The following DNER variants were observed in gnomAD, a reference collection of about 807,000 sequenced individuals.
The protein encoded by DNER is delta and Notch-like epidermal growth factor-related receptor.
A neutral mutation model predicts 78.2 loss-of-function variants in DNER; 33 were observed. That is an observed-to-expected ratio of 0.42 (90% confidence interval 0.32 to 0.56). The LOEUF is 0.56. Ranked by LOEUF, DNER falls within the 20% of genes least tolerant of loss-of-function variation. The probability of loss-of-function intolerance (pLI) is 0.11; values close to 1 mark genes in which losing one functional copy is unlikely to be tolerated. For missense variants in DNER, 918 were observed against 975.3 expected (o/e 0.94, Z 0.78); for synonymous variants, 417 against 384.8 (o/e 1.08, Z -0.98).
At chr2:229,680,355 C>T (rs944584737) in intron 1 of DNER, among the ~76,000 whole-genome samples, 2 of 152,150 alleles carry the variant, frequency 1.3e-5, no homozygotes, top group African/African-American at 4.8e-5. Flanking sequence ...CTTTGGGGCT[C>T]CCATTGGCCA....
In DNER at chr2:229,447,740, C is replaced by A. The variant is rs188846799; in HGVS notation, c.1262-200G>T. ...TTAAAAATATTAAGCCCCACAATTCCATTTTTATTGAAATATAAGGTATAT... is the reference window on the plus strand; with the variant it reads ...TTAAAAATATTAAGCCCCACAATTCAATTTTTATTGAAATATAAGGTATAT... On this transcript the variant is annotated intron_variant, in intron 7 of 12. Coordinates refer to ENST00000341772, the MANE Select transcript of DNER (RefSeq NM_139072.4). 3.0e-3 allele frequency among the ~76,000 whole-genome samples: 457 copies of A among 152,192 alleles called. 1 individual carries two copies. Among genetic ancestry groups the A allele is most frequent in the African/African-American group, 0.011 (446 of 41,520 alleles).
intron 1 of DNER, among the ~76,000 whole-genome samples, chr2:229,642,656 A>G (rs760780993): frequency 3.3e-5 from 5 of 152,206 alleles, no homozygotes; most frequent in Non-Finnish European, 7.3e-5. Flanking sequence ...CCCTTCCTGT[A>G]AGGAGATTGT....
At chr2:229,374,370 G>A (rs1473933160) in intron 11 of DNER, among the ~76,000 whole-genome samples, 4 of 152,292 alleles carry the variant, frequency 2.6e-5, no homozygotes, top group Non-Finnish European at 2.9e-5. Context: ...ACCTGCACAT[G>A]TGCTCCTTGA....
Position 229,585,951 on chromosome 2 carries a change from G to C in DNER, c.754C>G (p.Leu252Val). The change falls in exon 4 of 13, where the codon CTC becomes GTC. Residue 252 changes from leucine to valine, a missense_variant. Coordinates refer to ENST00000341772, the MANE Select transcript of DNER (RefSeq NM_139072.4). ...GGGGTCACACTTCGTCCATCTATGA[G>C]GGAGCACTGTTGGAATCCTGTGGCC... is the stretch of plus-strand genomic sequence containing the variant. The part of the protein sequence containing the change: ...VTATGFQQCS[L>V]IDGRSVTPLQ... The C allele has an allele frequency of 6.2e-7, 1 of 1,614,132 alleles. No individual in the cohort carries two copies. The highest frequency in any genetic ancestry group is 1.1e-5 in the South Asian group (1 of 91,064).
rs1371607345 is a variant in DNER at position 229,714,360 on chromosome 2, G to A, written c.64C>T (p.Leu22=). 7.3e-5 allele frequency: 90 copies of A among 1,232,624 alleles called. 1 individual carries two copies. The East Asian group carries it at 3.0e-3, about 41-fold the overall frequency. The allele number at this position is 1,232,624 out of a possible 1,614,324, so 76.4% of individuals were successfully genotyped here. The change falls in exon 1 of 13, where the codon CTG becomes TTG. Residue 22 remains leucine (L), a synonymous_variant. Coordinates refer to ENST00000341772, the MANE Select transcript of DNER (RefSeq NM_139072.4). ...QLLPALALLL[L]LLGAGPRGSS... ...CCTCGGGGCCCCGCTCCGAGCAGCA[G>A]CAGCAGCAGGGCCAGCGCGGGCAGC...
chr2:229,621,177 T>C (rs1054635683), intron 1 of DNER, among the ~76,000 whole-genome samples: 1 of 152,060 alleles, frequency 6.6e-6, no homozygotes, highest in Non-Finnish European at 1.5e-5. Flanking sequence ...ACAAAAGTGA[T>C]AAATAATAAC....
intron 1 of DNER, among the ~76,000 whole-genome samples, chr2:229,605,687 A>G (rs185894038): frequency 6.6e-6 from 1 of 151,482 alleles, no homozygotes; most frequent in African/African-American, 2.4e-5. Flanking sequence ...TATAGACACC[A>G]TAACAGCCTG....
chr2:229,714,199 C>A lies in DNER; in HGVS notation c.225G>T (p.Glu75Asp), dbSNP rs1699955679. The change falls in exon 1 of 13, where the codon GAG becomes GAT. Residue 75 changes from glutamate (E) to aspartate (D), a missense_variant. By Grantham distance (45) the Glu-to-Asp change is conservative. Transcript: ENST00000341772. ...PDPQHPAPAG[E>D]PGYSCTCPAG... ...CGGGGCAGGTGCAGCTGTAGCCAGG[C>A]TCGCCGGCGGGGGCCGGGTGCTGCG... 1 of 1,376,702 alleles carries A rather than the reference C, an allele frequency of 7.3e-7. No homozygotes were observed. The allele number at this position is 1,376,702 out of a possible 1,614,324, so 85.3% of individuals were successfully genotyped here. A position where few individuals can be genotyped will look rare whatever the true frequency, so the allele number is the denominator to read the frequency against.
chr2:229,565,856 T>C (rs969886303), intron 4 of DNER, among the ~76,000 whole-genome samples: 1 of 152,210 alleles, frequency 6.6e-6, no homozygotes, highest in Admixed American at 6.5e-5. Flanking sequence ...TAATCTCTTT[T>C]TCAATGTCTA....
chr2:229,644,184 A>T (rs1698673253), intron 1 of DNER, among the ~76,000 whole-genome samples: 1 of 152,046 alleles, frequency 6.6e-6, no homozygotes, highest in Admixed American at 6.6e-5. Flanking sequence ...AGTTGTATAT[A>T]TTTATGAGGT....
chr2:229,557,554 G>C (rs560973732), intron 4 of DNER, among the ~76,000 whole-genome samples: 8 of 152,174 alleles, frequency 5.3e-5, no homozygotes, highest in African/African-American at 1.9e-4. Flanking sequence ...CACATAGGAG[G>C]CAATGAAGGT....
intron 5 of DNER, among the ~76,000 whole-genome samples, chr2:229,545,857 T>C (rs1189563699): frequency 1.3e-5 from 2 of 152,190 alleles, no homozygotes; most frequent in Admixed American, 6.5e-5. Context: ...CTTCTCTTAC[T>C]TTTCTCTGAC....
chr2:229,517,745 A>T (rs1359750361), intron 5 of DNER, among the ~76,000 whole-genome samples: 1 of 152,232 alleles, frequency 6.6e-6, no homozygotes, highest in Non-Finnish European at 1.5e-5. Context: ...TGGTTGTCAC[A>T]GCCGAGGGCT....
At chr2:229,565,523 T>C (rs1252565593) in intron 4 of DNER, among the ~76,000 whole-genome samples, 2 of 152,150 alleles carry the variant, frequency 1.3e-5, no homozygotes, top group Non-Finnish European at 2.9e-5. Flanking sequence ...TTTGAAAGAC[T>C]TTTTTTAAAA....
intron 10 of DNER, among the ~76,000 whole-genome samples, chr2:229,403,196 A>G (rs11885200): frequency 0.034 from 5,103 of 152,284 alleles, 135 homozygotes; most frequent in African/African-American, 0.072. Context: ...GCTAAACCTC[A>G]GGTACAATGA....
intron 11 of DNER, among the ~76,000 whole-genome samples, chr2:229,379,462 T>C (rs1692684990): frequency 6.6e-6 from 1 of 152,164 alleles, no homozygotes. Flanking sequence ...CCTTTTGTTA[T>C]TCCATATTTT....
At chr2:229,630,199 G>C (rs910332985) in intron 1 of DNER, among the ~76,000 whole-genome samples, 1 of 152,202 alleles carries the variant, frequency 6.6e-6, no homozygotes, top group African/African-American at 2.4e-5. Flanking sequence ...TTCTGGGCCA[G>C]GAATGGTGGC....
intron 1 of DNER, among the ~76,000 whole-genome samples, chr2:229,659,808 A>G (rs1559198915): frequency 6.6e-6 from 1 of 152,152 alleles, no homozygotes; most frequent in Admixed American, 6.6e-5. Context: ...ATGTATGCAT[A>G]ATGTTACTTG....
At chr2:229,446,451 C>T (rs566727026) in intron 8 of DNER, among the ~76,000 whole-genome samples, 4 of 152,152 alleles carry the variant, frequency 2.6e-5, no homozygotes, top group African/African-American at 4.8e-5. Flanking sequence ...ACGGGGAGCA[C>T]GCATTCCAGC....
Sources: allele counts gnomAD v4.1 joint callset (sites outside exome capture counted in the v4.1 genomes callset), GRCh38; gene constraint gnomAD v4.1.1; transcripts MANE v1.5; gene names NCBI Gene and HGNC (gene_info 2026-07-23, HGNC 2026-07-21).